ALPK1: variants seen among roughly 807,000 people sequenced by gnomAD.
ALPK1 encodes the protein alpha-protein kinase 1.
Under a neutral mutation model 120.6 loss-of-function variants are expected in ALPK1, and 110 were observed. The observed-to-expected ratio is 0.91, with a 90% CI of 0.78 to 1.07. The LOEUF is 1.07. Ranked by LOEUF, ALPK1 falls within the 50% of genes least tolerant of loss-of-function variation. The pLI, the probability that ALPK1 is intolerant of heterozygous loss-of-function variation, is 0.00. For synonymous variants in ALPK1, 582 were observed against 560.3 expected (o/e 1.04, Z -0.55); for missense variants, 1,498 against 1,483.9 (o/e 1.01, Z -0.16).
At chr4:112,411,425 A>G (rs765986264) in intron 4 of ALPK1, among the ~76,000 whole-genome samples, 2 of 152,086 alleles carry the variant, frequency 1.3e-5, no homozygotes, top group Non-Finnish European at 2.9e-5. Flanking sequence ...GGGTTTCACC[A>G]TGTTGGCCAG....
chr4:112,401,482 C>T (rs1258300659), intron 4 of ALPK1, among the ~76,000 whole-genome samples: 1 of 152,098 alleles, frequency 6.6e-6, no homozygotes, highest in Non-Finnish European at 1.5e-5. Flanking sequence ...AAGTTATGAC[C>T]AACCATGAGA....
At chr4:112,427,538 C>A (rs199719196) in intron 8 of ALPK1, 32 bp from the exon 9 acceptor site, 2 of 1,532,834 alleles carry the variant, frequency 1.3e-6, no homozygotes, top group Non-Finnish European at 1.8e-6. Flanking sequence ...TGTGAATTCC[C>A]GATCTGTGAC....
chr4:112,362,950 C>G (rs1730977414), intron 2 of ALPK1, among the ~76,000 whole-genome samples: 1 of 152,132 alleles, frequency 6.6e-6, no homozygotes, highest in Admixed American at 6.6e-5. Flanking sequence ...TTAAACAAAA[C>G]AGTTGTCAGC....
intron 2 of ALPK1, among the ~76,000 whole-genome samples, chr4:112,350,013 CA>C (rs1730280382): frequency 6.6e-6 from 1 of 152,202 alleles, no homozygotes; most frequent in Non-Finnish European, 1.5e-5. Context: ...TAAAGCTACT[CA>C]GCTAGTAAGT....
chr4:112,336,551 C>G (rs893747518), intron 2 of ALPK1, among the ~76,000 whole-genome samples: 2 of 152,040 alleles, frequency 1.3e-5, no homozygotes, highest in Non-Finnish European at 1.5e-5. Context: ...TGCTAAAATT[C>G]ACATATCATA....
chr4:112,339,189 G>A (rs1729752741), intron 2 of ALPK1, among the ~76,000 whole-genome samples: 1 of 152,190 alleles, frequency 6.6e-6, no homozygotes, highest in Non-Finnish European at 1.5e-5. Flanking sequence ...ATCCAAATGA[G>A]GGACAACCCT....
chr4:112,396,250 C>T (rs1235384605), intron 4 of ALPK1, among the ~76,000 whole-genome samples: 1 of 152,162 alleles, frequency 6.6e-6, no homozygotes, highest in Non-Finnish European at 1.5e-5. Context: ...ACACAAAAGC[C>T]TTTCATAAAA....
At chr4:112,374,892 G>C (rs1302489270) in intron 2 of ALPK1, among the ~76,000 whole-genome samples, 1 of 152,198 alleles carries the variant, frequency 6.6e-6, no homozygotes, top group Non-Finnish European at 1.5e-5. Context: ...CCTGTTACCA[G>C]GCTTAGTTGT....
rs893102078 is a variant in ALPK1 at position 112,360,245 on chromosome 4, G to A, written c.-100-17433G>A. Among the ~76,000 whole-genome samples, 5 of 152,208 alleles carry A rather than the reference G, an allele frequency of 3.3e-5. No homozygotes were observed. In the East Asian group the frequency reaches 9.6e-4, roughly 29 times the overall value. ...CAGGATCATCCATGTTGTTGCAGAT[G>A]ACAGGATTTCCTTCTATTTTAAGGC... On this transcript the variant is annotated intron_variant, in intron 2 of 15. Coordinates refer to ENST00000650871, the MANE Select transcript of ALPK1 (RefSeq NM_025144.4).
intron 4 of ALPK1, among the ~76,000 whole-genome samples, chr4:112,404,754 G>A (rs4834273): frequency 0.47 from 71,148 of 152,000 alleles, 17,523 homozygotes; most frequent in South Asian, 0.67. Context: ...TTCTTGGATT[G>A]TGAACATTTT....
At chr4:112,356,276 C>G in intron 2 of ALPK1, 1 of 1,131,436 alleles carries the variant, frequency 8.8e-7, no homozygotes, top group Non-Finnish European at 1.3e-6. Context: ...AGGCAAGACG[C>G]TGTGCCTCCT....
Position 112,432,564 on chromosome 4 carries a change from A to G in ALPK1, c.3017A>G (p.Gln1006Arg), listed in dbSNP as rs1734618181. Residue 1006 changes from glutamine (Q) to arginine (R), a missense_variant, in exon 11 of 16, where the codon CAA (glutamine) becomes CGA (arginine). Physicochemically the swap from Gln to Arg is conservative, Grantham distance 43. Coordinates refer to ENST00000650871, the MANE Select transcript of ALPK1 (RefSeq NM_025144.4). Reference sequence around the variant, plus strand: ...AATACGGGGGTTTTTAAGCCCAGTCAACTCCACCGAGCACATAGTAAGTAC... The same window carrying G: ...AATACGGGGGTTTTTAAGCCCAGTCGACTCCACCGAGCACATAGTAAGTAC... ...LENTGVFKPS[Q>R]LHRAHSALLL... 3.1e-6 allele frequency: 5 copies of G among 1,612,816 alleles called. No individual in the cohort carries two copies. Among genetic ancestry groups the G allele is most frequent in the South Asian group, 1.1e-5 (1 of 91,066 alleles).
At chr4:112,358,055 C>A in intron 2 of ALPK1, 2 of 588,038 alleles carry the variant, frequency 3.4e-6, no homozygotes, top group East Asian at 4.0e-5. Flanking sequence ...CATCACGGGC[C>A]TCCATAGCCC....
chr4:112,326,359 G>C (rs920555542), intron 2 of ALPK1, among the ~76,000 whole-genome samples: 1 of 152,136 alleles, frequency 6.6e-6, no homozygotes, highest in Non-Finnish European at 1.5e-5. Context: ...GAGGGGTCAT[G>C]CAAAGCCATC....
chr4:112,400,020 C>A (rs920223925), intron 4 of ALPK1, among the ~76,000 whole-genome samples: 6 of 152,080 alleles, frequency 3.9e-5, no homozygotes, highest in Non-Finnish European at 2.9e-5. Context: ...TGGGTTGGTT[C>A]CAAGTCTTTG....
At chr4:112,343,800 G>GT (rs1158015392) in intron 2 of ALPK1, among the ~76,000 whole-genome samples, 1 of 146,206 alleles carries the variant, frequency 6.8e-6, no homozygotes, top group Admixed American at 7.2e-5. Flanking sequence ...AGAATTTGGA[G>GT]GACACAGATG....
At chr4:112,369,001 A>G (rs1347896188) in intron 2 of ALPK1, among the ~76,000 whole-genome samples, 1 of 130,636 alleles carries the variant, frequency 7.7e-6, no homozygotes. Flanking sequence ...TCTATATTGC[A>G]GGTAACTTTT....
intron 10 of ALPK1, 63 bp downstream of exon 10, chr4:112,429,316 A>G: frequency 3.1e-6 from 4 of 1,283,594 alleles, no homozygotes; most frequent in Non-Finnish European, 2.2e-6. Flanking sequence ...TTTCTGATGT[A>G]ACCAGTGAGA....
At chr4:112,305,103 A>G (rs1727975825) in intron 1 of ALPK1, among the ~76,000 whole-genome samples, 1 of 151,856 alleles carries the variant, frequency 6.6e-6, no homozygotes, top group Non-Finnish European at 1.5e-5. Flanking sequence ...TGTTCCATTG[A>G]TCTATATCTC....
Sources: allele counts gnomAD v4.1 joint callset (sites outside exome capture counted in the v4.1 genomes callset), GRCh38; gene constraint gnomAD v4.1.1; transcripts MANE v1.5; gene names NCBI Gene and HGNC (gene_info 2026-07-23, HGNC 2026-07-21).